DEPTOR: variants seen among roughly 807,000 people sequenced by gnomAD.
DEPTOR encodes the protein DEP domain-containing mTOR-interacting protein.
DEPTOR carries 41 observed loss-of-function variants against 41.6 expected under a neutral mutation model. The observed-to-expected ratio is 0.98, with a 90% CI of 0.77 to 1.28. DEPTOR has a LOEUF of 1.28. Among genes scored for constraint, DEPTOR ranks in the 50% most tolerant of loss-of-function variants. DEPTOR has a pLI of 0.00. For missense variants in DEPTOR, 514 were observed against 527.9 expected, an observed-to-expected ratio of 0.97 and a Z score of 0.26; for synonymous variants, 195 against 192.3, an observed-to-expected ratio of 1.01 and a Z score of -0.12.
At chr8:120,008,488 A>G (rs1812480369) in intron 7 of DEPTOR, among the ~76,000 whole-genome samples, 1 of 143,624 alleles carries the variant, frequency 7.0e-6, no homozygotes. Flanking sequence ...AGATTGCACT[A>G]CTGCACTCCA....
intron 4 of DEPTOR, among the ~76,000 whole-genome samples, chr8:119,967,413 A>C (rs146243671): frequency 1.3e-5 from 2 of 149,344 alleles, no homozygotes; most frequent in African/African-American, 5.1e-5. Context: ...CAGTTAACCA[A>C]CGTAGGTCAG....
At chr8:119,899,012 G>T (rs1263132923) in intron 1 of DEPTOR, among the ~76,000 whole-genome samples, 6 of 152,150 alleles carry the variant, frequency 3.9e-5, no homozygotes, top group Non-Finnish European at 5.9e-5. Context: ...CACATGTATT[G>T]TTGTTTTAGC....
intron 2 of DEPTOR, 143 bp downstream of exon 2, chr8:119,928,721 C>G (rs1327714709): frequency 2.2e-5 from 15 of 668,408 alleles, no homozygotes; most frequent in Non-Finnish European, 3.1e-5. Flanking sequence ...CTTCCTGCCT[C>G]TAAGAGGCAT....
At chr8:120,029,920 T>G (rs970708691) in intron 8 of DEPTOR, among the ~76,000 whole-genome samples, 4 of 152,092 alleles carry the variant, frequency 2.6e-5, no homozygotes, top group African/African-American at 9.7e-5. Flanking sequence ...CCTCTGCATC[T>G]CTGAGGAGAA....
chr8:120,009,424 C>T (rs938615928), intron 8 of DEPTOR, among the ~76,000 whole-genome samples: 6 of 152,026 alleles, frequency 3.9e-5, no homozygotes, highest in Non-Finnish European at 2.9e-5. Context: ...ACTAGCCTGG[C>T]CACCGTGGCG....
chr8:119,925,009 G>A (rs1324914409), intron 1 of DEPTOR, among the ~76,000 whole-genome samples: 1 of 152,200 alleles, frequency 6.6e-6, no homozygotes, highest in Non-Finnish European at 1.5e-5. Context: ...GTTCCACATG[G>A]CTGGGGAAGC....
At chr8:120,043,787 G>A (rs1813114852) in intron 8 of DEPTOR, among the ~76,000 whole-genome samples, 1 of 152,024 alleles carries the variant, frequency 6.6e-6, no homozygotes, top group Non-Finnish European at 1.5e-5. Context: ...TGAGGTGGGT[G>A]GATCACCTGA....
At chr8:120,006,702 T>C in intron 6 of DEPTOR, 103 bp from the exon 7 acceptor site, 1 of 1,003,004 alleles carries the variant, frequency 1.0e-6, no homozygotes, top group Non-Finnish European at 1.5e-6. Context: ...TTTGCCACTT[T>C]TTCTCACTGA....
chr8:120,032,211 C>CTTTTT (rs60003356), intron 8 of DEPTOR, among the ~76,000 whole-genome samples: 23 of 120,906 alleles, frequency 1.9e-4, no homozygotes, highest in East Asian at 9.4e-4. Context: ...CACTAACTTT[C>CTTTTT]TTTTTTTTTT....
At chr8:119,999,900 C>G (rs79534429) in intron 4 of DEPTOR, among the ~76,000 whole-genome samples, 1 of 152,118 alleles carries the variant, frequency 6.6e-6, no homozygotes, top group Non-Finnish European at 1.5e-5. Context: ...GAAATCTCTA[C>G]GTGTGATAAA....
intron 1 of DEPTOR, among the ~76,000 whole-genome samples, chr8:119,877,185 A>G (rs1445645351): frequency 1.3e-5 from 2 of 152,238 alleles, no homozygotes; most frequent in South Asian, 4.1e-4. Flanking sequence ...GAGATGCTAC[A>G]TGTAAAAGGC....
intron 3 of DEPTOR, among the ~76,000 whole-genome samples, chr8:119,937,788 C>T (rs1828132986): frequency 6.6e-6 from 1 of 152,176 alleles, no homozygotes. Flanking sequence ...ATTCCCAAGC[C>T]ATAGTTCTCA....
At chr8:119,964,244 C>T (rs184166133) in intron 3 of DEPTOR, among the ~76,000 whole-genome samples, 2 of 152,170 alleles carry the variant, frequency 1.3e-5, no homozygotes, top group East Asian at 1.9e-4. Context: ...CCGCTGGGCA[C>T]GGTGGCTCAC....
intron 3 of DEPTOR, among the ~76,000 whole-genome samples, chr8:119,944,746 C>A (rs1828249880): frequency 6.6e-6 from 1 of 151,746 alleles, no homozygotes. Flanking sequence ...CCTCCGCCTC[C>A]TGGGTTTAAG....
chr8:120,035,892 C>G (rs1812973047), intron 8 of DEPTOR, among the ~76,000 whole-genome samples: 3 of 152,188 alleles, frequency 2.0e-5, no homozygotes, highest in African/African-American at 7.2e-5. Context: ...TGCTGTCTGT[C>G]CTTAATGCAA....
chr8:120,022,593 C>A (rs922283591), intron 8 of DEPTOR, among the ~76,000 whole-genome samples: 6 of 152,186 alleles, frequency 3.9e-5, no homozygotes, highest in African/African-American at 1.4e-4. Flanking sequence ...CAGGTCACAT[C>A]CAAATAACTA....
intron 3 of DEPTOR, among the ~76,000 whole-genome samples, chr8:119,934,541 C>T (rs758356440): frequency 6.6e-6 from 1 of 152,158 alleles, no homozygotes; most frequent in Non-Finnish European, 1.5e-5. Flanking sequence ...CTGTGATCTG[C>T]AGTCTACCGT....
intron 4 of DEPTOR, among the ~76,000 whole-genome samples, chr8:119,994,968 A>C (rs988585968): frequency 6.6e-6 from 1 of 151,810 alleles, no homozygotes; most frequent in Non-Finnish European, 1.5e-5. Context: ...GAATTAGAAG[A>C]ATTAGAATTT....
At chr8:120,049,017 C>A (rs573765758) in intron 8 of DEPTOR, among the ~76,000 whole-genome samples, 2 of 152,232 alleles carry the variant, frequency 1.3e-5, no homozygotes, top group Admixed American at 6.5e-5. Context: ...TATTTTTGGA[C>A]TTAATATCAT....
Sources: gnomAD v4.1 joint callset for allele counts (sites outside exome capture counted in the v4.1 genomes callset) on GRCh38, gnomAD v4.1.1 for gene constraint, MANE v1.5 for transcripts, NCBI Gene and HGNC (gene_info 2026-07-23, HGNC 2026-07-21) for gene names.